The following NRXN3 variants were observed in gnomAD, a reference collection of about 807,000 sequenced individuals.
NRXN3 encodes neurexin 3, also known as neurexin III.
In NRXN3, 32 loss-of-function variants were observed where a neutral mutation model predicts 137.6. That is an observed-to-expected ratio of 0.23 (90% confidence interval 0.18 to 0.31). The LOEUF is 0.31. Ranked by LOEUF, NRXN3 falls within the 10% of genes least tolerant of loss-of-function variation. The pLI is 1.00. For synonymous variants in NRXN3, 798 were observed against 784.5 expected (o/e 1.02, Z -0.29); for missense variants, 1,574 against 2,062.5 (o/e 0.76, Z 4.59).
intron 15 of NRXN3, among the ~76,000 whole-genome samples, chr14:79,466,972 G>A (rs1567203217): frequency 6.6e-6 from 1 of 152,074 alleles, no homozygotes; most frequent in Admixed American, 6.5e-5. Flanking sequence ...TATGCAGCGG[G>A]AACTTAAGAT....
In NRXN3 at chr14:78,242,762, G is replaced by T; in HGVS notation, c.-332G>T. ...TGAGTCAAGGCCTCCGGATCCACATGGATAGCTGAGATCTTTTCTTGGAGA... is the reference window on the plus strand; with the variant it reads ...TGAGTCAAGGCCTCCGGATCCACATTGATAGCTGAGATCTTTTCTTGGAGA... On this transcript the variant is annotated 5_prime_UTR_variant, in exon 2 of 21. It removes an upstream start codon present in the reference 5' UTR. Transcript: ENST00000335750. The T allele has an allele frequency of 3.4e-6, 1 of 297,622 alleles. No individual in the cohort carries two copies. The highest frequency in any genetic ancestry group is 6.2e-6 in the Non-Finnish European group (1 of 160,504). The allele number at this position is 297,622 out of a possible 1,614,324, so 18.4% of individuals were successfully genotyped here.
At chr14:79,498,999 G>A (rs1211509028) in intron 16 of NRXN3, among the ~76,000 whole-genome samples, 1 of 152,006 alleles carries the variant, frequency 6.6e-6, no homozygotes, top group Non-Finnish European at 1.5e-5. Flanking sequence ...TGCTCAGGGT[G>A]GTCTTGAATT....
At chr14:79,182,765 G>C (rs1323631186) in intron 15 of NRXN3, among the ~76,000 whole-genome samples, 1 of 152,044 alleles carries the variant, frequency 6.6e-6, no homozygotes, top group African/African-American at 2.4e-5. Context: ...GTAGGATTAA[G>C]ACAGGCATTA....
intron 7 of NRXN3, among the ~76,000 whole-genome samples, chr14:78,710,351 T>C (rs769945956): frequency 7.4e-6 from 1 of 134,852 alleles, no homozygotes; most frequent in Non-Finnish European, 1.5e-5. Context: ...ACATAGCTAC[T>C]ATGGAATAGT....
At chr14:78,225,477 T>A (rs1420894240) in intron 1 of NRXN3, among the ~76,000 whole-genome samples, 2 of 148,850 alleles carry the variant, frequency 1.3e-5, no homozygotes, top group Non-Finnish European at 3.0e-5. Flanking sequence ...TTTGTTTGAG[T>A]ACATTGTAGA....
At chr14:78,308,598 G>C (rs1248526705) in intron 4 of NRXN3, among the ~76,000 whole-genome samples, 1 of 152,104 alleles carries the variant, frequency 6.6e-6, no homozygotes, top group Non-Finnish European at 1.5e-5. Context: ...GCAATGAGCT[G>C]TCTGACAATC....
chr14:79,179,436 C>T (rs550654401), intron 15 of NRXN3, among the ~76,000 whole-genome samples: 3 of 152,256 alleles, frequency 2.0e-5, no homozygotes, highest in South Asian at 2.1e-4. Context: ...CAAATATCTG[C>T]TGGGTGAGTG....
intron 19 of NRXN3, among the ~76,000 whole-genome samples, chr14:79,698,354 T>C (rs1165630951): frequency 6.6e-6 from 1 of 152,030 alleles, no homozygotes; most frequent in Non-Finnish European, 1.5e-5. Flanking sequence ...TGCTATAACA[T>C]GAATCTTTCA....
In NRXN3 at chr14:78,634,714, T is replaced by C. The variant is rs575019850; in HGVS notation, c.758-10406T>C. ...TTCCTGGTTCCATTTATTCTCTTCC[T>C]CCTCCAAAGTAACCACTACCTGAAG... is the stretch of plus-strand genomic sequence containing the variant. On this transcript the variant is annotated intron_variant, in intron 4 of 20. Coordinates refer to ENST00000335750, the MANE Select transcript of NRXN3 (RefSeq NM_001330195.2). Among the ~76,000 whole-genome samples the C allele has an allele frequency of 2.0e-5, 3 of 152,236 alleles. No individual in the cohort carries two copies. The East Asian group carries it at 5.8e-4, about 29-fold the overall frequency.
At chr14:79,670,772 T>C (rs921301042) in intron 17 of NRXN3, among the ~76,000 whole-genome samples, 1 of 152,172 alleles carries the variant, frequency 6.6e-6, no homozygotes, top group African/African-American at 2.4e-5. Flanking sequence ...AAGCATTGCA[T>C]GAATAATAAT....
rs148466872 is a variant in NRXN3, at chr14:79,097,138, A to G, written c.3262+108997A>G. ...TTCTAAGCCTCAAATCCTGTTGGTC[A>G]TCACCCTAAATAATCTATCACTTAT... On this transcript the variant is annotated intron_variant, in intron 15 of 20. Transcript: ENST00000335750. Among the ~76,000 whole-genome samples the G allele has an allele frequency of 3.7e-3, 561 of 152,018 alleles. 2 individuals are homozygous for G. The highest frequency in any genetic ancestry group is 0.013 in the African/African-American group (537 of 41,468).
At chr14:78,995,804 T>C (rs1458103341) in intron 15 of NRXN3, among the ~76,000 whole-genome samples, 4 of 152,212 alleles carry the variant, frequency 2.6e-5, no homozygotes, top group Admixed American at 2.6e-4. Flanking sequence ...GACAAAAGAC[T>C]ATTTGAAGAA....
At chr14:79,826,947 G>C (rs2099304594) in intron 20 of NRXN3, among the ~76,000 whole-genome samples, 1 of 152,060 alleles carries the variant, frequency 6.6e-6, no homozygotes, top group South Asian at 2.1e-4. Flanking sequence ...TAAAATTATG[G>C]CAAGGAAGGA....
At chr14:79,171,890 G>A (rs1013928668) in intron 15 of NRXN3, among the ~76,000 whole-genome samples, 1 of 150,450 alleles carries the variant, frequency 6.6e-6, no homozygotes, top group African/African-American at 2.4e-5. Flanking sequence ...AACTTTTACT[G>A]TGTGCAACTC....
chr14:78,419,965 A>G (rs202139438), intron 4 of NRXN3, among the ~76,000 whole-genome samples: 27 of 36,916 alleles, frequency 7.3e-4, no homozygotes, highest in Non-Finnish European at 1.3e-3. Context: ...GCGCACGCAC[A>G]CACACACACA....
intron 16 of NRXN3, among the ~76,000 whole-genome samples, chr14:79,589,297 G>A (rs2097784491): frequency 6.6e-6 from 1 of 151,900 alleles, no homozygotes; most frequent in African/African-American, 2.4e-5. Flanking sequence ...ATTGACTAGA[G>A]CCACCCATTG....
At chr14:78,782,797 G>A (rs2098774677) in intron 8 of NRXN3, among the ~76,000 whole-genome samples, 1 of 152,224 alleles carries the variant, frequency 6.6e-6, no homozygotes, top group African/African-American at 2.4e-5. Context: ...GAGCTAATAA[G>A]TGGCAGGCCT....
chr14:79,460,739 T>A, intron 15 of NRXN3, among the ~76,000 whole-genome samples: 1 of 152,212 alleles, frequency 6.6e-6, no homozygotes, highest in East Asian at 1.9e-4. Flanking sequence ...GAGGGAACCC[T>A]CACCTTGCTT....
intron 19 of NRXN3, among the ~76,000 whole-genome samples, chr14:79,761,243 T>C (rs893947267): frequency 1.3e-5 from 2 of 151,762 alleles, no homozygotes; most frequent in African/African-American, 4.9e-5. Flanking sequence ...TTTGGCCTTC[T>C]GTATTGTATT....
Sources: allele counts gnomAD v4.1 joint callset (sites outside exome capture counted in the v4.1 genomes callset), GRCh38; gene constraint gnomAD v4.1.1; transcripts MANE v1.5; gene names NCBI Gene and HGNC (gene_info 2026-07-23, HGNC 2026-07-21).